Variants in MICAL2 observed in about 807,000 individuals in gnomAD.
MICAL2 encodes the protein microtubule associated monooxygenase, calponin and LIM domain containing 2.
MICAL2 carries 77 observed loss-of-function variants against 127.3 expected under a neutral mutation model. The ratio of observed to expected loss-of-function variants is 0.60; its 90% confidence interval spans 0.50 to 0.73. MICAL2 has a LOEUF of 0.73. MICAL2 is among the 30% of genes least tolerant of loss of function. The pLI, the probability that MICAL2 is intolerant of heterozygous loss-of-function variation, is 0.00. For missense variants in MICAL2, 1,351 were observed against 1,434.4 expected (o/e 0.94, Z 0.94); for synonymous variants, 570 against 551.1 (o/e 1.03, Z -0.48).
At chr11:12,115,955 A>G (rs1243962991) in intron 1 of MICAL2, among the ~76,000 whole-genome samples, 1 of 151,712 alleles carries the variant, frequency 6.6e-6, no homozygotes, top group Non-Finnish European at 1.5e-5. Context: ...TGAAAGTTAG[A>G]AAATACTACC....
chr11:12,294,793 G>A (rs1273932065), downstream of MICAL2: 8 of 1,514,098 alleles, frequency 5.3e-6, no homozygotes, highest in African/African-American at 3.7e-5. Flanking sequence ...CCCTGCGCCA[G>A]GCAGCTCCTC....
At chr11:12,157,418 C>G (rs962812630) in intron 2 of MICAL2, among the ~76,000 whole-genome samples, 10 of 152,068 alleles carry the variant, frequency 6.6e-5, no homozygotes, top group African/African-American at 2.4e-4. Context: ...CAGCTAGAGG[C>G]AGGGAAAGGA....
At chr11:12,200,190 G>A (rs869279) in intron 3 of MICAL2, among the ~76,000 whole-genome samples, 116,877 of 151,908 alleles carry the variant, frequency 0.77, 48,277 homozygotes, top group Non-Finnish European at 0.92. Context: ...GGTTAGACAC[G>A]GAAAATATGA....
intron 2 of MICAL2, among the ~76,000 whole-genome samples, chr11:12,140,604 C>A (rs1236674814): frequency 6.6e-6 from 1 of 151,152 alleles, no homozygotes; most frequent in African/African-American, 2.4e-5. Flanking sequence ...TGATAAGGAA[C>A]TGGTGAGCTC....
At chr11:12,145,007 T>G (rs1852743861) in intron 2 of MICAL2, among the ~76,000 whole-genome samples, 1 of 152,192 alleles carries the variant, frequency 6.6e-6, no homozygotes, top group Non-Finnish European at 1.5e-5. Flanking sequence ...CAGCATATTT[T>G]CCGTGGGCAG....
At chr11:12,133,631 A>T (rs1851604314) in intron 1 of MICAL2, among the ~76,000 whole-genome samples, 1 of 152,184 alleles carries the variant, frequency 6.6e-6, no homozygotes, top group African/African-American at 2.4e-5. Context: ...AAAAAAAAAA[A>T]AAGTAAAACA....
chr11:12,146,348 A>T (rs543155016), intron 2 of MICAL2, among the ~76,000 whole-genome samples: 34 of 152,354 alleles, frequency 2.2e-4, no homozygotes, highest in African/African-American at 7.9e-4. Flanking sequence ...GAATCTACAA[A>T]GAACTCAAAC....
intron 3 of MICAL2, among the ~76,000 whole-genome samples, chr11:12,182,991 T>C (rs1197967018): frequency 6.6e-6 from 1 of 152,156 alleles, no homozygotes; most frequent in African/African-American, 2.4e-5. Context: ...GCGTTTACTC[T>C]CACTGCTTCT....
intron 3 of MICAL2, among the ~76,000 whole-genome samples, chr11:12,182,398 T>C (rs1168807791): frequency 6.6e-6 from 1 of 152,166 alleles, no homozygotes; most frequent in African/African-American, 2.4e-5. Flanking sequence ...CTCTGCTTTT[T>C]AGTTTTGTGA....
intron 3 of MICAL2, among the ~76,000 whole-genome samples, chr11:12,166,232 A>C (rs1590152113): frequency 2.0e-5 from 3 of 152,232 alleles, no homozygotes; most frequent in South Asian, 4.1e-4. Context: ...TTAACAGGCC[A>C]CAAACTGAGG....
intron 23 of MICAL2, 23 bp from the exon 24 acceptor site, chr11:12,256,762 C>A: frequency 1.3e-6 from 2 of 1,586,852 alleles, no homozygotes; most frequent in Non-Finnish European, 1.7e-6. Context: ...ATAATACACC[C>A]ACTCTTCTCT....
intron 22 of MICAL2, chr11:12,253,886 A>G (rs561697987): frequency 6.6e-6 from 1 of 152,316 alleles, no homozygotes; most frequent in South Asian, 2.1e-4. Flanking sequence ...GGCATGATCG[A>G]TTACATCACT....
At chr11:12,259,676 T>G in intron 25 of MICAL2, 119 bp from the exon 26 acceptor site, 9 of 887,068 alleles carry the variant, frequency 1.0e-5, no homozygotes, top group Non-Finnish European at 1.5e-5. Context: ...GGGGCTGAGA[T>G]TATTGTGGGG....
At chr11:12,155,147 CT>C (rs1854018286) in intron 2 of MICAL2, among the ~76,000 whole-genome samples, 1 of 152,192 alleles carries the variant, frequency 6.6e-6, no homozygotes, top group African/African-American at 2.4e-5. Flanking sequence ...GGCCAGAGTT[CT>C]TTCCACCTCA....
intron 23 of MICAL2, chr11:12,256,544 C>T (rs900835095): frequency 4.4e-5 from 18 of 410,700 alleles, no homozygotes; most frequent in Middle Eastern, 6.2e-4. Context: ...GAGCCCCTCC[C>T]GGGCCCACCT....
intron 31 of MICAL2, among the ~76,000 whole-genome samples, chr11:12,326,095 G>T (rs549516258): frequency 2.0e-5 from 3 of 152,276 alleles, no homozygotes; most frequent in Admixed American, 1.3e-4. Flanking sequence ...TCCCTGCTTG[G>T]GTCCCTTTCC....
Position 12,158,753 on chromosome 11 carries a change from T to C in MICAL2, c.-77-3326T>C, listed in dbSNP as rs146956160. ...ATGGGATCCTGAAATCAATCTCCCA[T>C]GGTTACTGAGGGAAGCCTGTATTAT... On this transcript the variant is annotated intron_variant, in intron 2 of 27. Coordinates refer to ENST00000683283, the MANE Select transcript of MICAL2 (RefSeq NM_001282663.2). 2.6e-5 allele frequency among the ~76,000 whole-genome samples: 4 copies of C among 152,306 alleles called. No individual in the cohort carries two copies. The East Asian group carries it at 7.7e-4, about 29-fold the overall frequency.
chr11:12,287,898 TC>T (rs1271351853), downstream of MICAL2, among the ~76,000 whole-genome samples: 2 of 151,114 alleles, frequency 1.3e-5, no homozygotes, highest in Non-Finnish European at 3.0e-5. Flanking sequence ...GCCTTCCACC[TC>T]CCCCCACACC....
intron 24 of MICAL2, among the ~76,000 whole-genome samples, chr11:12,270,746 T>C (rs1437955811): frequency 2.6e-5 from 4 of 152,246 alleles, no homozygotes; most frequent in Non-Finnish European, 4.4e-5. Context: ...GAGATGGCTC[T>C]GGCCATTAGG....
Sources: allele counts gnomAD v4.1 joint callset (sites outside exome capture counted in the v4.1 genomes callset), GRCh38; gene constraint gnomAD v4.1.1; transcripts MANE v1.5; gene names NCBI Gene and HGNC (gene_info 2026-07-23, HGNC 2026-07-21).